TOP2A: variants seen among roughly 807,000 people sequenced by gnomAD.
TOP2A encodes DNA topoisomerase II alpha.
TOP2A carries 68 observed loss-of-function variants against 187.2 expected under a neutral mutation model. The observed-to-expected ratio is 0.36, with a 90% confidence interval of 0.30 to 0.44. TOP2A has a LOEUF of 0.44. Ranked by LOEUF, TOP2A falls within the 20% of genes least tolerant of loss-of-function variation. The pLI, the probability that TOP2A is intolerant of heterozygous loss-of-function variation, is 1.00. For synonymous variants in TOP2A, 542 were observed against 593.2 expected (o/e 0.91, Z 1.25); for missense variants, 1,196 against 1,808.7 (o/e 0.66, Z 6.14).
chr17:40,406,697 A>G lies in TOP2A; in HGVS notation c.1738-8T>C, dbSNP rs551608825. ...TTGCTTGTTTTTAGATACCTGTGAT[A>G]AAAAACAATGACTGTGGCTTTGTAC... On this transcript the variant is annotated splice_polypyrimidine_tract_variant and splice_region_variant and intron_variant, in intron 14 of 34. Transcript: ENST00000423485. 4 of 1,609,202 alleles carry G rather than the reference A, an allele frequency of 2.5e-6. No homozygotes were observed. Among genetic ancestry groups the G allele is most frequent in the Admixed American group, 1.7e-5 (1 of 59,640 alleles).
chr17:40,400,314 A>G lies in TOP2A; in HGVS notation c.2895T>C (p.Thr965=), dbSNP rs770347677. 2.5e-6 allele frequency: 4 copies of G among 1,613,116 alleles called. No individual in the cohort carries two copies. The East Asian group carries it at 8.9e-5, about 36-fold the overall frequency. ...TDYREYHTDT[T]VKFVVKMTEE... ...CAGTCATCTTCACAACAAATTTCAC[A>G]GTGGTATCTGTATGGTATTCCCTAT... The change falls in exon 23 of 35, where the codon ACT becomes ACC. Residue 965 remains threonine, a synonymous_variant. Transcript: ENST00000423485.
intron 16 of TOP2A, among the ~76,000 whole-genome samples, chr17:40,406,073 G>A (rs963119181): frequency 6.6e-6 from 1 of 152,012 alleles, no homozygotes; most frequent in Non-Finnish European, 1.5e-5. Flanking sequence ...GCCAATTTTC[G>A]TATTTTTAGT....
At chr17:40,408,979 GA>G in intron 10 of TOP2A, 1 of 419,968 alleles carries the variant, frequency 2.4e-6, no homozygotes, top group Non-Finnish European at 4.6e-6. Flanking sequence ...CAGAACACCT[GA>G]GGTCAGGAGT....
At chr17:40,408,463 A>G (rs774545748) in intron 11 of TOP2A, 29 bp downstream of exon 11, 7 of 1,588,036 alleles carry the variant, frequency 4.4e-6, no homozygotes, top group Non-Finnish European at 6.0e-6. Context: ...ATAAGACTTA[A>G]AAGTTTGGAA....
chr17:40,408,745 T>A (rs1207712587), intron 10 of TOP2A, 115 bp from the exon 11 acceptor site: 1 of 1,153,960 alleles, frequency 8.7e-7, no homozygotes, highest in Admixed American at 1.9e-5. Context: ...ATTAAAAAGA[T>A]GTAGAACAAT....
intron 28 of TOP2A, 45 bp from the exon 29 acceptor site, chr17:40,395,584 A>G: frequency 7.2e-7 from 1 of 1,382,330 alleles, no homozygotes; most frequent in South Asian, 1.2e-5. Flanking sequence ...TAAATTCTGA[A>G]CTATGGGATT....
intron 4 of TOP2A, among the ~76,000 whole-genome samples, chr17:40,414,427 C>T (rs1255999929): frequency 6.6e-6 from 1 of 152,166 alleles, no homozygotes; most frequent in Non-Finnish European, 1.5e-5. Flanking sequence ...TCAAACTACT[C>T]CTGGGCTCAA....
rs752063062 is a variant in TOP2A at position 40,411,740 on chromosome 17, G to T, written c.868C>A (p.His290Asn). Residue 290 changes from histidine (H) to asparagine (N), a missense_variant, in exon 8 of 35, where the codon CAT (histidine) becomes AAT (asparagine). By Grantham distance (68) the His-to-Asn change is moderately conservative. Coordinates refer to ENST00000423485, the MANE Select transcript of TOP2A (RefSeq NM_001067.4). The surrounding 1 kb of genome is among the most constrained non-coding windows in gnomAD (Gnocchi z 4.4). ...DETGNSLKVI[H>N]EQVNHRWEVC... The stretch of plus-strand genomic sequence containing the variant: ...TCCCACCTGTGGTTTACTTGTTCAT[G>T]TATTACTTTCAAGGAGTTACCAGTT... 3.1e-6 allele frequency: 5 copies of T among 1,612,712 alleles called. No individual in the cohort carries two copies. The highest frequency in any genetic ancestry group is 4.2e-6 in the Non-Finnish European group (5 of 1,179,468).
intron 4 of TOP2A, among the ~76,000 whole-genome samples, chr17:40,415,332 G>A (rs943621925): frequency 1.3e-5 from 2 of 152,088 alleles, no homozygotes; most frequent in Admixed American, 6.6e-5. Flanking sequence ...GGGATCACAG[G>A]CATGAGCCAC....
At position 40,411,487 on chromosome 17, in the gene TOP2A, C is replaced by T. The variant is rs770437364; in HGVS notation, c.964-32G>A. ...AGGAAAAATACCAAACTGTAAAACT[C>T]AGTATCCTCAAAATTATAATAATCA... On this transcript the variant is annotated intron_variant, in intron 8 of 34. Transcript: ENST00000423485. The surrounding 1 kb of genome is among the most constrained non-coding windows in gnomAD (Gnocchi z 4.4). 11 of 1,594,576 alleles carry T rather than the reference C, an allele frequency of 6.9e-6. No individual in the cohort carries two copies. In the East Asian group the frequency reaches 2.0e-4, roughly 29 times the overall value.
Position 40,404,892 on chromosome 17 carries a change from T to TA in TOP2A, c.1954-10dup, listed in dbSNP as rs747276638. The TA allele has an allele frequency of 1.3e-6, 2 of 1,532,736 alleles. No individual in the cohort carries two copies. Among genetic ancestry groups the TA allele is most frequent in the East Asian group, 4.6e-5 (2 of 43,352 alleles). 94.9% of individuals were successfully genotyped at this position (1,532,736 alleles called of 1,614,324 possible). A position where few individuals can be genotyped will look rare whatever the true frequency, so the allele number is the denominator to read the frequency against. On this transcript the variant is annotated splice_polypyrimidine_tract_variant and intron_variant, in intron 16 of 34. Coordinates refer to ENST00000423485, the MANE Select transcript of TOP2A (RefSeq NM_001067.4). ...TGTTTTTTGCTAAAGGCCTATAAAT[T>TA]AAAGGATGAAAAGATGTCACTGGTA...
At chr17:40,392,400 G>C (rs775550127) in intron 30 of TOP2A, 59 bp from the exon 31 acceptor site, 4 of 1,531,680 alleles carry the variant, frequency 2.6e-6, no homozygotes, top group Non-Finnish European at 3.5e-6. Context: ...ACAATTCATA[G>C]GTTGACATAA....
intron 1 of TOP2A, among the ~76,000 whole-genome samples, chr17:40,417,205 T>G (rs958440887): frequency 3.1e-4 from 47 of 152,260 alleles, no homozygotes; most frequent in African/African-American, 1.1e-3. Context: ...CATACATTAT[T>G]TACCGAGTGC....
At chr17:40,389,882 T>G (rs2035000805) in intron 34 of TOP2A, 83 bp downstream of exon 34, 3 of 1,403,006 alleles carry the variant, frequency 2.1e-6, no homozygotes, top group South Asian at 2.9e-5. Context: ...TTCTTAAAGA[T>G]ATGCCAAATT....
intron 10 of TOP2A, chr17:40,409,632 G>A (rs1046275638): frequency 1.4e-5 from 4 of 294,594 alleles, no homozygotes; most frequent in South Asian, 5.9e-5. Flanking sequence ...GATGGTGCAT[G>A]TCTGTAATCC....
rs768516741 is a variant in TOP2A, at chr17:40,392,586, T to G, written c.3963A>C (p.Ala1321=). The G allele has an allele frequency of 5.7e-5, 92 of 1,607,190 alleles. No individual in the cohort carries two copies. The highest frequency in any genetic ancestry group is 7.2e-5 in the Non-Finnish European group (85 of 1,178,120). The part of the protein sequence containing the change: ...PPRETEPRRA[A]TKTKFTMDLD... ...ATAATGTTCTTTAGTTTTCCTTACT[T>G]GCTGCTCTCCGTGGCTCTGTTTCTC... is the stretch of plus-strand genomic sequence containing the variant. Residue 1321 remains alanine, a splice_region_variant and synonymous_variant, in exon 30 of 35, where the codon GCA becomes GCC. Transcript: ENST00000423485.
chr17:40,391,334 C>G, intron 33 of TOP2A, 172 bp downstream of exon 33: 3 of 619,196 alleles, frequency 4.8e-6, no homozygotes, highest in Non-Finnish European at 8.0e-6. Flanking sequence ...TGTTTTGGAA[C>G]AGCCTTGACT....
At chr17:40,414,542 T>C (rs114204036) in intron 4 of TOP2A, among the ~76,000 whole-genome samples, 5,655 of 152,026 alleles carry the variant, frequency 0.037, 170 homozygotes, top group African/African-American at 0.077. Context: ...TCGTTCCCAC[T>C]CAACAAAGTA....
intron 24 of TOP2A, among the ~76,000 whole-genome samples, chr17:40,399,584 T>C (rs1009986159): frequency 5.3e-5 from 8 of 152,150 alleles, no homozygotes; most frequent in African/African-American, 1.4e-4. Flanking sequence ...ATGATTAGTG[T>C]ATCTATTCTC....
Sources: allele counts gnomAD v4.1 joint callset (sites outside exome capture counted in the v4.1 genomes callset), GRCh38; gene constraint gnomAD v4.1.1; non-coding constraint Gnocchi (gnomAD v3.1); transcripts MANE v1.5; gene names NCBI Gene and HGNC (gene_info 2026-07-23, HGNC 2026-07-21).